CRPPA: variants seen among roughly 807,000 people sequenced by gnomAD.
The protein encoded by CRPPA is D-ribitol-5-phosphate cytidylyltransferase.
In CRPPA, 43 loss-of-function variants were observed where a neutral mutation model predicts 52.0. The ratio of observed to expected loss-of-function variants is 0.83; its 90% CI spans 0.65 to 1.07. The LOEUF is 1.07. Among genes scored for constraint, CRPPA ranks in the 50% least tolerant of loss-of-function variants. The pLI is 0.00. For synonymous variants in CRPPA, 250 were observed against 203.5 expected (o/e 1.23, Z -1.94); for missense variants, 629 against 551.7 (o/e 1.14, Z -1.40).
chr7:16,323,253 T>C (rs78734865), intron 3 of CRPPA, among the ~76,000 whole-genome samples: 4,138 of 152,290 alleles, frequency 0.027, 181 homozygotes, highest in African/African-American at 0.094. Flanking sequence ...GCATATTTAA[T>C]GTCAAAGGGA....
At chr7:16,211,906 G>C (rs1032120353) in intron 9 of CRPPA, among the ~76,000 whole-genome samples, 1 of 152,136 alleles carries the variant, frequency 6.6e-6, no homozygotes, top group Non-Finnish European at 1.5e-5. Flanking sequence ...TTACGTCATC[G>C]AGTAGAGCAA....
chr7:16,326,407 T>A (rs922114163), intron 3 of CRPPA, among the ~76,000 whole-genome samples: 1 of 152,162 alleles, frequency 6.6e-6, no homozygotes, highest in East Asian at 1.9e-4. Flanking sequence ...AAAGTAGATG[T>A]CATGGAATAA....
chr7:16,302,364 C>T (rs1784808050), intron 4 of CRPPA, among the ~76,000 whole-genome samples: 1 of 149,554 alleles, frequency 6.7e-6, no homozygotes, highest in Non-Finnish European at 1.5e-5. Flanking sequence ...GTAATGTAAC[C>T]TGCCAACATG....
At chr7:16,282,519 G>A (rs983327123) in intron 5 of CRPPA, among the ~76,000 whole-genome samples, 2 of 152,044 alleles carry the variant, frequency 1.3e-5, no homozygotes, top group African/African-American at 4.8e-5. Context: ...TACATGCACA[G>A]AAATGATAAA....
chr7:16,233,712 T>C (rs374424283), intron 8 of CRPPA, among the ~76,000 whole-genome samples: 1 of 152,158 alleles, frequency 6.6e-6, no homozygotes, highest in Non-Finnish European at 1.5e-5. Flanking sequence ...CATGCTTTCA[T>C]AATCGGGTAC....
At chr7:16,289,615 T>C (rs1784519638) in intron 5 of CRPPA, among the ~76,000 whole-genome samples, 1 of 152,160 alleles carries the variant, frequency 6.6e-6, no homozygotes, top group Admixed American at 6.6e-5. Flanking sequence ...AAAAAGCATT[T>C]GATAAAATTC....
chr7:16,317,860 C>T (rs2189732), intron 3 of CRPPA, among the ~76,000 whole-genome samples: 24,882 of 152,116 alleles, frequency 0.16, 2,572 homozygotes, highest in South Asian at 0.42. Context: ...ATATCCCCAC[C>T]AACAGAGTAT....
At chr7:16,297,428 G>T (rs917297729) in intron 5 of CRPPA, among the ~76,000 whole-genome samples, 1 of 152,142 alleles carries the variant, frequency 6.6e-6, no homozygotes, top group African/African-American at 2.4e-5. Context: ...CAGGAGCAGG[G>T]AGAGTGGTAA....
At chr7:16,288,101 C>T (rs1179964700) in intron 5 of CRPPA, among the ~76,000 whole-genome samples, 2 of 151,978 alleles carry the variant, frequency 1.3e-5, no homozygotes, top group Admixed American at 6.5e-5. Context: ...TTCTAGCACC[C>T]AAAGTTGTGA....
At chr7:16,103,612 C>G (rs760977655) in intron 9 of CRPPA, among the ~76,000 whole-genome samples, 6 of 152,088 alleles carry the variant, frequency 3.9e-5, no homozygotes, top group Non-Finnish European at 8.8e-5. Context: ...AAAAAACACC[C>G]AGTCTAAGAA....
At chr7:16,398,472 C>A (rs1045620046) in intron 2 of CRPPA, among the ~76,000 whole-genome samples, 1 of 152,028 alleles carries the variant, frequency 6.6e-6, no homozygotes, top group African/African-American at 2.4e-5. Context: ...GTGCGATTGA[C>A]ATGATTGGCA....
At chr7:16,399,166 A>T (rs1248827217) in intron 2 of CRPPA, among the ~76,000 whole-genome samples, 1 of 152,206 alleles carries the variant, frequency 6.6e-6, no homozygotes, top group African/African-American at 2.4e-5. Context: ...TGACACATGA[A>T]CACGTGACAT....
At chr7:16,175,803 T>A (rs192471422) in intron 9 of CRPPA, among the ~76,000 whole-genome samples, 1 of 152,302 alleles carries the variant, frequency 6.6e-6, no homozygotes, top group Admixed American at 6.5e-5. Flanking sequence ...AAATTGTGCT[T>A]GAAAAAGATT....
chr7:16,187,259 T>A (rs1781524189), intron 9 of CRPPA, among the ~76,000 whole-genome samples: 1 of 152,214 alleles, frequency 6.6e-6, no homozygotes, highest in Admixed American at 6.5e-5. Context: ...TCCACTCATA[T>A]GCATTTAATT....
chr7:16,416,024 T>C (rs1404600653), intron 1 of CRPPA, among the ~76,000 whole-genome samples: 1 of 152,148 alleles, frequency 6.6e-6, no homozygotes, highest in Non-Finnish European at 1.5e-5. Context: ...AGGTGAGATA[T>C]TAAAAAATTA....
chr7:16,183,268 G>A (rs1004179233), intron 9 of CRPPA, among the ~76,000 whole-genome samples: 1 of 152,188 alleles, frequency 6.6e-6, no homozygotes, highest in African/African-American at 2.4e-5. Context: ...TCCTAACATG[G>A]GAAAGTGCAG....
intron 1 of CRPPA, among the ~76,000 whole-genome samples, chr7:16,417,808 AT>A (rs1162559630): frequency 2.0e-5 from 3 of 152,160 alleles, no homozygotes; most frequent in African/African-American, 7.2e-5. Context: ...AAAAAAAAAA[AT>A]CAAATTTGGG....
At chr7:16,204,258 G>C (rs1386721100) in intron 9 of CRPPA, among the ~76,000 whole-genome samples, 1 of 152,052 alleles carries the variant, frequency 6.6e-6, no homozygotes, top group Non-Finnish European at 1.5e-5. Flanking sequence ...TTGAATTGAG[G>C]AAAGGTTAAT....
At chr7:16,108,948 T>G (rs1321058646) in intron 9 of CRPPA, among the ~76,000 whole-genome samples, 1 of 151,828 alleles carries the variant, frequency 6.6e-6, no homozygotes, top group African/African-American at 2.4e-5. Flanking sequence ...AGGAGAAAGT[T>G]TGTAATGATA....
Sources: gnomAD v4.1 joint callset for allele counts (sites outside exome capture counted in the v4.1 genomes callset) on GRCh38, gnomAD v4.1.1 for gene constraint, MANE v1.5 for transcripts, NCBI Gene and HGNC (gene_info 2026-07-23, HGNC 2026-07-21) for gene names.